The following CALN1 variants were observed in gnomAD, a reference collection of about 807,000 sequenced individuals.
CALN1 encodes calneuron 1, also known as calcium-binding protein 8.
CALN1 carries 17 observed loss-of-function variants against 30.6 expected under a neutral mutation model. That is an observed-to-expected ratio of 0.56 (90% CI 0.38 to 0.83). CALN1 has a LOEUF of 0.83. CALN1 is among the 40% of genes least tolerant of loss of function. The probability of loss-of-function intolerance (pLI) is 0.00; values close to 1 mark genes in which losing one functional copy is unlikely to be tolerated. For synonymous variants in CALN1, 156 were observed against 131.4 expected, an observed-to-expected ratio of 1.19 and a Z score of -1.28; for missense variants, 291 against 354.9, an observed-to-expected ratio of 0.82 and a Z score of 1.45.
At chr7:72,377,436 CGT>C (rs138060244) in intron 2 of CALN1, among the ~76,000 whole-genome samples, 2,789 of 142,394 alleles carry the variant, frequency 0.02, 64 homozygotes, top group African/African-American at 0.043. Context: ...GCCACACTTT[CGT>C]GTGTGTGTGT....
At chr7:72,498,961 A>T in the CALN1 span, among the ~76,000 whole-genome samples, 3 of 152,178 alleles carry the variant, frequency 2.0e-5, no homozygotes, top group African/African-American at 7.2e-5. Context: ...TGTTCCTTGG[A>T]AAAAGGAACA....
intron 4 of CALN1, among the ~76,000 whole-genome samples, chr7:72,026,969 T>G (rs1801100570): frequency 6.6e-6 from 1 of 152,168 alleles, no homozygotes. Flanking sequence ...TCACCTCCAC[T>G]AGTCACAGGT....
At chr7:72,228,385 C>G (rs1047292366) in intron 3 of CALN1, among the ~76,000 whole-genome samples, 11 of 151,772 alleles carry the variant, frequency 7.2e-5, no homozygotes, top group African/African-American at 2.7e-4. Flanking sequence ...GAGCTCCTCA[C>G]CGGGTTTCTC....
At chr7:72,378,510 C>A (rs1425888514) in intron 2 of CALN1, among the ~76,000 whole-genome samples, 1 of 152,168 alleles carries the variant, frequency 6.6e-6, no homozygotes, top group Non-Finnish European at 1.5e-5. Flanking sequence ...AGTTCCCAAT[C>A]TGCCACTTTC....
chr7:72,098,896 T>C (rs114337010), intron 4 of CALN1, among the ~76,000 whole-genome samples: 2,348 of 151,984 alleles, frequency 0.015, 61 homozygotes, highest in African/African-American at 0.053. Context: ...TGGGAATGTC[T>C]GGATGGATCC....
chr7:71,806,331 G>C (rs1787621222), intron 6 of CALN1, among the ~76,000 whole-genome samples: 4 of 139,908 alleles, frequency 2.9e-5, no homozygotes, highest in Non-Finnish European at 6.0e-5. Context: ...TTGAGATGGA[G>C]TTTTAACTCT....
the CALN1 span, among the ~76,000 whole-genome samples, chr7:72,502,505 T>C: frequency 6.6e-6 from 1 of 151,870 alleles, no homozygotes; most frequent in African/African-American, 2.4e-5. Flanking sequence ...GACTTCCCCA[T>C]CTGCCATTCT....
At chr7:72,117,915 G>A (rs1353066176) in intron 3 of CALN1, among the ~76,000 whole-genome samples, 6 of 147,590 alleles carry the variant, frequency 4.1e-5, no homozygotes, top group East Asian at 4.0e-4. Flanking sequence ...CCGAGATTGC[G>A]CCACTGTACT....
chr7:72,104,989 A>T (rs994751515), intron 4 of CALN1, among the ~76,000 whole-genome samples: 2 of 152,146 alleles, frequency 1.3e-5, no homozygotes, highest in African/African-American at 4.8e-5. Context: ...ACAATTAAAA[A>T]AATTAAATGA....
chr7:72,371,294 CAT>C (rs1804229518), intron 2 of CALN1, among the ~76,000 whole-genome samples: 1 of 152,080 alleles, frequency 6.6e-6, no homozygotes, highest in African/African-American at 2.4e-5. Context: ...TGCATGTATG[CAT>C]ATGATATGGT....
At chr7:72,310,590 T>C (rs558471813) in intron 2 of CALN1, among the ~76,000 whole-genome samples, 2 of 151,918 alleles carry the variant, frequency 1.3e-5, no homozygotes, top group South Asian at 2.1e-4. Context: ...ACTTGATGCA[T>C]CTGGTGACAT....
intron 5 of CALN1, among the ~76,000 whole-genome samples, chr7:71,889,224 G>C (rs1793095323): frequency 6.6e-6 from 1 of 152,236 alleles, no homozygotes; most frequent in South Asian, 2.1e-4. Flanking sequence ...CAAGGCATCA[G>C]CAGATTTGGT....
chr7:72,370,473 T>A (rs1804167030), intron 2 of CALN1, among the ~76,000 whole-genome samples: 1 of 151,738 alleles, frequency 6.6e-6, no homozygotes, highest in Non-Finnish European at 1.5e-5. Flanking sequence ...GCTAACACGG[T>A]AAAACCCCGT....
chr7:72,174,153 T>C (rs1036459035), intron 3 of CALN1, among the ~76,000 whole-genome samples: 1 of 152,046 alleles, frequency 6.6e-6, no homozygotes, highest in Non-Finnish European at 1.5e-5. Context: ...TACACATCAT[T>C]AGTCATTAGG....
chr7:71,931,643 A>G, intron 5 of CALN1, among the ~76,000 whole-genome samples: 1 of 152,224 alleles, frequency 6.6e-6, no homozygotes, highest in East Asian at 1.9e-4. Context: ...ATTTCACGAC[A>G]TGGTAGTAGG....
intron 3 of CALN1, among the ~76,000 whole-genome samples, chr7:72,115,562 C>A (rs1201621243): frequency 7.3e-6 from 1 of 137,888 alleles, no homozygotes. Flanking sequence ...GATCTCGACT[C>A]ACTGCAACCT....
intron 5 of CALN1, among the ~76,000 whole-genome samples, chr7:71,886,848 G>A (rs1189961916): frequency 6.6e-6 from 1 of 151,824 alleles, no homozygotes; most frequent in Non-Finnish European, 1.5e-5. Context: ...TCCAAGCTGA[G>A]AAATGGTGTT....
At chr7:72,447,451 A>G (rs1207935186), upstream of CALN1, among the ~76,000 whole-genome samples, 1 of 152,166 alleles carries the variant, frequency 6.6e-6, no homozygotes, top group Non-Finnish European at 1.5e-5. Flanking sequence ...AGGAAGTACC[A>G]AGGTCCTGCT....
chr7:72,143,078 C>A (rs960607441), intron 3 of CALN1, among the ~76,000 whole-genome samples: 2 of 152,228 alleles, frequency 1.3e-5, no homozygotes, highest in Admixed American at 1.3e-4. Context: ...CTCTCCTCCT[C>A]CAAAGGAATG....
Sources: allele counts gnomAD v4.1 joint callset (sites outside exome capture counted in the v4.1 genomes callset), GRCh38; gene constraint gnomAD v4.1.1; transcripts MANE v1.5; gene names NCBI Gene and HGNC (gene_info 2026-07-23, HGNC 2026-07-21).